Variants in NTRK2 observed in about 807,000 individuals in gnomAD.
NTRK2 encodes the protein neurotrophic receptor tyrosine kinase 2.
Under a neutral mutation model 94.5 loss-of-function variants are expected in NTRK2, and 13 were observed. That is an observed-to-expected ratio of 0.14 (90% CI 0.09 to 0.22). The LOEUF is 0.22. Among genes scored for constraint, NTRK2 ranks in the 10% least tolerant of loss-of-function variants. NTRK2 has a pLI of 1.00. For synonymous variants in NTRK2, 372 were observed against 407.4 expected (o/e 0.91, Z 1.05); for missense variants, 639 against 1,071.2 (o/e 0.60, Z 5.63).
chr9:84,842,272 C>T (rs145670248), intron 12 of NTRK2, among the ~76,000 whole-genome samples: 3 of 152,166 alleles, frequency 2.0e-5, no homozygotes, highest in Non-Finnish European at 4.4e-5. Flanking sequence ...TACTCTTCAC[C>T]CTCCTGATCT....
At chr9:85,020,451 C>A (rs2117960554) in intron 18 of NTRK2, 87 bp downstream of exon 18, 1 of 1,395,568 alleles carries the variant, frequency 7.2e-7, no homozygotes, top group Non-Finnish European at 1.0e-6. Context: ...GGTTGGAAGA[C>A]CATGTCAGGA....
At chr9:84,915,548 C>A (rs891223342) in intron 14 of NTRK2, among the ~76,000 whole-genome samples, 1 of 152,082 alleles carries the variant, frequency 6.6e-6, no homozygotes, top group African/African-American at 2.4e-5. Flanking sequence ...AATCTGAGGC[C>A]CTCTCCAGAA....
intron 14 of NTRK2, among the ~76,000 whole-genome samples, chr9:84,897,444 C>A (rs1162496860): frequency 6.6e-6 from 1 of 152,184 alleles, no homozygotes; most frequent in Non-Finnish European, 1.5e-5. Flanking sequence ...CTTGAGCCCC[C>A]GTTCTTAATC....
chr9:84,901,755 C>A (rs1344800476), intron 14 of NTRK2, among the ~76,000 whole-genome samples: 2 of 152,128 alleles, frequency 1.3e-5, no homozygotes, highest in Non-Finnish European at 2.9e-5. Context: ...GCTAGATTCC[C>A]CCTTCCCTCC....
chr9:84,820,153 T>TTTTC (rs1011292310), intron 12 of NTRK2, among the ~76,000 whole-genome samples: 11 of 150,962 alleles, frequency 7.3e-5, no homozygotes, highest in South Asian at 2.1e-4. Context: ...AGCTTACTTT[T>TTTTC]TTTCTTTCTT....
At chr9:84,780,650 A>G (rs1202681434) in intron 12 of NTRK2, among the ~76,000 whole-genome samples, 1 of 152,220 alleles carries the variant, frequency 6.6e-6, no homozygotes, top group Non-Finnish European at 1.5e-5. Context: ...CTCTGTGTAC[A>G]CTTCCATTTC....
intron 8 of NTRK2, among the ~76,000 whole-genome samples, chr9:84,724,677 G>A (rs888886032): frequency 3.3e-5 from 5 of 151,948 alleles, no homozygotes; most frequent in African/African-American, 1.2e-4. Context: ...TTAAATTTTC[G>A]TAAATCAGTT....
chr9:84,710,441 G>GCTGT (rs936203247), intron 5 of NTRK2, among the ~76,000 whole-genome samples, 196 bp from the exon 6 acceptor site: 1 of 152,124 alleles, frequency 6.6e-6, no homozygotes, highest in African/African-American at 2.4e-5. Flanking sequence ...ATTCTCCAGT[G>GCTGT]CTGTCTGCAT....
intron 14 of NTRK2, among the ~76,000 whole-genome samples, chr9:84,933,468 C>A (rs1310218994): frequency 6.6e-6 from 1 of 152,220 alleles, no homozygotes; most frequent in Non-Finnish European, 1.5e-5. Context: ...GAGGAACATT[C>A]TCTTGTCCTG....
intron 10 of NTRK2, among the ~76,000 whole-genome samples, chr9:84,743,218 G>A (rs776094177): frequency 3.3e-5 from 5 of 152,160 alleles, no homozygotes; most frequent in Non-Finnish European, 5.9e-5. Context: ...GCAAGCCACT[G>A]TTTGGGGAAG....
chr9:85,010,760 T>G (rs1350622356), intron 17 of NTRK2, among the ~76,000 whole-genome samples: 4 of 152,220 alleles, frequency 2.6e-5, no homozygotes, highest in African/African-American at 9.6e-5. Flanking sequence ...CTAAAACTTC[T>G]GTGTGATTAA....
At chr9:84,756,032 T>C (rs1170796776) in intron 12 of NTRK2, among the ~76,000 whole-genome samples, 4 of 152,194 alleles carry the variant, frequency 2.6e-5, no homozygotes, top group Admixed American at 6.5e-5. Flanking sequence ...CTTCTGTTAG[T>C]GTTGGCCATC....
intron 14 of NTRK2, among the ~76,000 whole-genome samples, chr9:84,916,979 A>G (rs1480084715): frequency 6.6e-6 from 1 of 152,172 alleles, no homozygotes; most frequent in East Asian, 1.9e-4. Context: ...CTTGCATGTG[A>G]AAGTCTGTCA....
intron 17 of NTRK2, 25 bp downstream of exon 17, chr9:84,955,542 C>A: frequency 6.3e-7 from 1 of 1,578,048 alleles, no homozygotes; most frequent in Non-Finnish European, 8.7e-7. Context: ...AGATCAGAGA[C>A]CCCAGGGACC....
rs200698390 is a variant in NTRK2, at chr9:84,670,804, G to A, written c.56G>A (p.Cys19Tyr). Reference protein sequence around the residue: ...GPAMARLWGFCWLVVGFWRAA... With the variant: ...GPAMARLWGFYWLVVGFWRAA... The stretch of plus-strand genomic sequence containing the variant: ...GCCATGGCGCGGCTCTGGGGCTTCT[G>A]CTGGCTGGTTGTGGGCTTCTGGAGG... Residue 19 changes from cysteine (C) to tyrosine (Y), a missense_variant, in exon 2 of 19, where the codon TGC becomes TAC. Transcript: ENST00000277120. 6.2e-7 allele frequency: 1 copy of A among 1,613,974 alleles called. No homozygotes were observed. The highest frequency in any genetic ancestry group is 1.7e-5 in the Admixed American group (1 of 60,008).
intron 12 of NTRK2, among the ~76,000 whole-genome samples, chr9:84,782,234 G>T (rs1272152997): frequency 6.6e-6 from 1 of 152,144 alleles, no homozygotes; most frequent in Non-Finnish European, 1.5e-5. Flanking sequence ...AGCTTGCCAG[G>T]ACTCATGTTT....
intron 12 of NTRK2, among the ~76,000 whole-genome samples, chr9:84,804,185 G>A (rs111902028): frequency 2.6e-5 from 4 of 152,116 alleles, no homozygotes; most frequent in African/African-American, 9.6e-5. Context: ...TTCCTGTTTT[G>A]GAGGCTTATT....
At chr9:84,931,071 C>T (rs1167166674) in intron 14 of NTRK2, among the ~76,000 whole-genome samples, 1 of 152,120 alleles carries the variant, frequency 6.6e-6, no homozygotes, top group East Asian at 1.9e-4. Flanking sequence ...GTCAGGAATA[C>T]AAATACAAAA....
At chr9:84,901,160 C>T (rs548930835) in intron 14 of NTRK2, among the ~76,000 whole-genome samples, 66 of 149,812 alleles carry the variant, frequency 4.4e-4, no homozygotes, top group African/African-American at 1.6e-3. Flanking sequence ...TACTATAGCT[C>T]TGTTACAACT....
Sources: allele counts gnomAD v4.1 joint callset (sites outside exome capture counted in the v4.1 genomes callset), GRCh38; gene constraint gnomAD v4.1.1; transcripts MANE v1.5; gene names NCBI Gene and HGNC (gene_info 2026-07-23, HGNC 2026-07-21).